Variants in LRTM3 observed in about 807,000 individuals in gnomAD.
LRTM3 encodes leucine rich repeat transmembrane protein 3.
At chr13:102,738,817 A>T in the LRTM3 span, 1 of 1,550,196 alleles carries the variant, frequency 6.5e-7, no homozygotes, top group South Asian at 1.2e-5. Flanking sequence ...TATCTTCCTG[A>T]ATCTTTCCTC....
the LRTM3 span, chr13:102,747,389 T>TA: frequency 6.5e-7 from 1 of 1,550,182 alleles, no homozygotes; most frequent in Non-Finnish European, 8.7e-7. Context: ...TATATTAATA[T>TA]AAGGCATCAG....
the LRTM3 span, chr13:102,749,767 A>G: frequency 6.4e-7 from 1 of 1,551,254 alleles, no homozygotes; most frequent in Non-Finnish European, 8.7e-7. Flanking sequence ...GGACTTCATA[A>G]AGACCTTGAT....
chr13:102,732,991 C>T, the LRTM3 span: 1 of 1,551,430 alleles, frequency 6.4e-7, no homozygotes, highest in Non-Finnish European at 8.7e-7. Flanking sequence ...TGAGCAATGC[C>T]TGCTTCCTTC....
At chr13:102,754,815 C>T in the LRTM3 span, among the ~76,000 whole-genome samples, 1 of 152,194 alleles carries the variant, frequency 6.6e-6, no homozygotes, top group East Asian at 1.9e-4. Context: ...CCATGGTAAC[C>T]AATAGCAGAA....
the LRTM3 span, chr13:102,730,166 G>T: frequency 1.7e-5 from 26 of 1,550,154 alleles, no homozygotes; most frequent in Non-Finnish European, 2.2e-5. Flanking sequence ...GCACTCTCTA[G>T]TACAATGGGA....
the LRTM3 span, chr13:102,731,415 G>A: frequency 1.3e-6 from 2 of 1,551,290 alleles, no homozygotes; most frequent in African/African-American, 2.7e-5. Context: ...AGATTCAGTT[G>A]TATTTCAAGT....
chr13:102,740,678 G>T, the LRTM3 span: 2 of 1,547,890 alleles, frequency 1.3e-6, no homozygotes, highest in South Asian at 2.4e-5. Flanking sequence ...TTGCATAGAT[G>T]CATTGAACTG....
chr13:102,737,128 C>G, the LRTM3 span: 12 of 1,551,106 alleles, frequency 7.7e-6, no homozygotes, highest in Admixed American at 5.9e-5. Flanking sequence ...ATTGCTCTGC[C>G]TCAAAAATTG....
At chr13:102,743,931 C>G in the LRTM3 span, 1 of 1,550,564 alleles carries the variant, frequency 6.4e-7, no homozygotes, top group South Asian at 1.2e-5. Context: ...GCTACATTTT[C>G]TTGTACCTCT....
At chr13:102,731,949 G>A in the LRTM3 span, 1 of 1,551,052 alleles carries the variant, frequency 6.4e-7, no homozygotes. Flanking sequence ...GAGACATCAT[G>A]CTCTGGAACA....
the LRTM3 span, chr13:102,737,021 T>C: frequency 2.6e-6 from 4 of 1,551,036 alleles, no homozygotes; most frequent in South Asian, 1.2e-5. Context: ...ACTTTTTCTT[T>C]CCTGTACATG....
chr13:102,746,250 C>T, the LRTM3 span: 3 of 1,550,916 alleles, frequency 1.9e-6, no homozygotes, highest in South Asian at 3.6e-5. Context: ...GCCTCAGACC[C>T]CAGGTGCTGG....
At chr13:102,749,083 A>T in the LRTM3 span, 17 of 1,549,904 alleles carry the variant, frequency 1.1e-5, no homozygotes, top group Non-Finnish European at 1.5e-5. Flanking sequence ...GCAAAGCTAT[A>T]TCTGATATAT....
At chr13:102,735,543 T>A in the LRTM3 span, 1 of 1,551,148 alleles carries the variant, frequency 6.4e-7, no homozygotes, top group Non-Finnish European at 8.7e-7. Flanking sequence ...TGTTCTTTAC[T>A]TTTCCACTGC....
chr13:102,739,598 A>T, the LRTM3 span: 4 of 1,550,494 alleles, frequency 2.6e-6, no homozygotes, highest in South Asian at 4.8e-5. Flanking sequence ...AATGTCTAAC[A>T]GCAAAGGAAA....
the LRTM3 span, among the ~76,000 whole-genome samples, chr13:102,754,158 T>G: frequency 6.8e-6 from 1 of 146,690 alleles, no homozygotes; most frequent in Non-Finnish European, 1.5e-5. Context: ...TGAGCCGAGA[T>G]TGTGCCATTG....
At chr13:102,736,464 T>C in the LRTM3 span, 28 of 1,551,036 alleles carry the variant, frequency 1.8e-5, no homozygotes, top group African/African-American at 3.4e-4. Flanking sequence ...TTTACAAGGC[T>C]CTCTGTTGGC....
At chr13:102,741,731 G>A in the LRTM3 span, 6 of 1,550,072 alleles carry the variant, frequency 3.9e-6, no homozygotes, top group Admixed American at 2.0e-5. Context: ...TAGTCTCTTC[G>A]ATCCTTCTCT....
chr13:102,730,763 CTA>C, the LRTM3 span: 1 of 1,551,658 alleles, frequency 6.4e-7, no homozygotes, highest in South Asian at 1.2e-5. Context: ...GTTTAACTTA[CTA>C]TGTTTGGGAA....
Sources: allele counts gnomAD v4.1 joint callset (sites outside exome capture counted in the v4.1 genomes callset), GRCh38; gene constraint gnomAD v4.1.1; transcripts MANE v1.5; gene names NCBI Gene and HGNC (gene_info 2026-07-23, HGNC 2026-07-21).